BIRC6: variants seen among roughly 807,000 people sequenced by gnomAD.
The protein encoded by BIRC6 is dual E2 ubiquitin-conjugating enzyme/E3 ubiquitin-protein ligase BIRC6.
In BIRC6, 98 loss-of-function variants were observed where a neutral mutation model predicts 503.3. The observed-to-expected ratio is 0.19, with a 90% CI of 0.17 to 0.23. The LOEUF is 0.23. Among genes scored for constraint, BIRC6 ranks in the 10% least tolerant of loss-of-function variants. The probability of loss-of-function intolerance (pLI) is 1.00; values close to 1 mark genes in which losing one functional copy is unlikely to be tolerated. For missense variants in BIRC6, 5,360 were observed against 5,806.0 expected (o/e 0.92, Z 2.50); for synonymous variants, 2,240 against 2,078.7 (o/e 1.08, Z -2.11).
At chr2:32,508,303 T>TTTG (rs1261646792) in intron 51 of BIRC6, 44 bp downstream of exon 51, 1 of 1,274,468 alleles carries the variant, frequency 7.8e-7, no homozygotes, top group Non-Finnish European at 1.0e-6. Flanking sequence ...TTTTTTTTTT[T>TTTG]GGCATGGTTG....
chr2:32,386,243 A>T (rs2038439726), intron 3 of BIRC6, among the ~76,000 whole-genome samples: 1 of 152,160 alleles, frequency 6.6e-6, no homozygotes, highest in Non-Finnish European at 1.5e-5. Flanking sequence ...AAAATATTGG[A>T]TAGAACTGTA....
chr2:32,427,098 T>C (rs1196915847), intron 10 of BIRC6, among the ~76,000 whole-genome samples: 1 of 152,088 alleles, frequency 6.6e-6, no homozygotes, highest in Non-Finnish European at 1.5e-5. Context: ...GTGTTATTTC[T>C]TTGTGTTTAT....
At chr2:32,479,180 A>G (rs2050102592) in intron 36 of BIRC6, among the ~76,000 whole-genome samples, 1 of 152,168 alleles carries the variant, frequency 6.6e-6, no homozygotes, top group Non-Finnish European at 1.5e-5. Context: ...TAATCTTTGT[A>G]TAAGGTTGTT....
At chr2:32,501,677 A>G in intron 46 of BIRC6, 36 bp from the exon 47 acceptor site, 2 of 1,569,952 alleles carry the variant, frequency 1.3e-6, no homozygotes, top group South Asian at 1.2e-5. Flanking sequence ...GGCTGGATAT[A>G]TATACTTTTA....
At chr2:32,490,295 C>G in intron 43 of BIRC6, 144 bp downstream of exon 43, 1 of 669,120 alleles carries the variant, frequency 1.5e-6, no homozygotes, top group South Asian at 2.1e-5. Context: ...CGCCTGTAAA[C>G]CCAGCACTTT....
rs140351459 is a variant in BIRC6, at chr2:32,431,534, A to G, written c.3248+444A>G. Among the ~76,000 whole-genome samples the G allele has an allele frequency of 5.1e-4, 78 of 152,220 alleles. No homozygotes were observed. The East Asian group carries it at 0.011, about 21-fold the overall frequency. On this transcript the variant is annotated intron_variant, in intron 12 of 73. Coordinates refer to ENST00000421745, the MANE Select transcript of BIRC6 (RefSeq NM_016252.4). ...AACTGTCTAAAAGATATACAGTAAT[A>G]TACTTAGGAATTCTGTGTTGTCTCT...
chr2:32,549,513 G>C (rs2058294575), intron 65 of BIRC6, 32 bp downstream of exon 65: 1 of 1,335,058 alleles, frequency 7.5e-7, no homozygotes, highest in Non-Finnish European at 9.8e-7. Context: ...GTCTGTGGAT[G>C]AATAATTTTG....
chr2:32,525,433 A>G lies in BIRC6; in HGVS notation c.11756-31A>G, dbSNP rs748824713. 1.1e-5 allele frequency: 17 copies of G among 1,612,004 alleles called. 1 individual carries two copies. In the South Asian group the frequency reaches 1.2e-4, roughly 11 times the overall value. On this transcript the variant is annotated intron_variant, in intron 58 of 73. Transcript: ENST00000421745. Reference sequence around the variant, plus strand: ...TTTCCTTCATATTAGTGTGTTGACTATGTAGAATCTTACTGATCCTTTTCT... The same window carrying G: ...TTTCCTTCATATTAGTGTGTTGACTGTGTAGAATCTTACTGATCCTTTTCT...
At position 32,534,696 on chromosome 2, in the gene BIRC6, A is replaced by T. The variant is rs566625054; in HGVS notation, c.12291+3145A>T. 6.4e-4 allele frequency among the ~76,000 whole-genome samples: 85 copies of T among 132,688 alleles called. 1 individual carries two copies. The highest frequency in any genetic ancestry group is 2.3e-3 in the African/African-American group (79 of 33,860). 87.0% of individuals were successfully genotyped at this position (132,688 alleles called of 152,430 possible). On this transcript the variant is annotated intron_variant, in intron 61 of 73. Transcript: ENST00000421745. The stretch of plus-strand genomic sequence containing the variant: ...CAGTTAACCAAGATCGCACCACTGC[A>T]CTCCAGCCTGGGTGACAGAGCAAGA...
In BIRC6 at chr2:32,415,383, C is replaced by G. The variant is rs149851750; in HGVS notation, c.2092C>G (p.Leu698Val). The change falls in exon 10 of 74, where the codon CTT becomes GTT. Residue 698 changes from leucine (L) to valine (V), a missense_variant. Leu to Val is a conservative substitution (Grantham distance 32, BLOSUM62 1). This residue lies in a region of BIRC6 where 700 missense variants were observed against 739.3 expected (regional missense o/e 0.95). Coordinates refer to ENST00000421745, the MANE Select transcript of BIRC6 (RefSeq NM_016252.4). ...GCAATTTGCAGATGCAGCAGCCAAC[C>G]TTACCTCTCCGGATTCTGAGAAGTG... is the stretch of plus-strand genomic sequence containing the variant. ...IQQFADAAANLTSPDSEKWNS... is the reference protein window; with the variant it reads ...IQQFADAAANVTSPDSEKWNS... 2 of 1,613,932 alleles carry G rather than the reference C, an allele frequency of 1.2e-6. No individual in the cohort carries two copies. Among genetic ancestry groups the G allele is most frequent in the Non-Finnish European group, 1.7e-6 (2 of 1,179,908 alleles).
chr2:32,406,958 G>C (rs1202605129), intron 9 of BIRC6, among the ~76,000 whole-genome samples: 3 of 152,110 alleles, frequency 2.0e-5, no homozygotes, highest in South Asian at 4.1e-4. Context: ...AGTAAATGCT[G>C]CCTTACTAGC....
At chr2:32,394,381 T>C (rs2039606129) in intron 5 of BIRC6, among the ~76,000 whole-genome samples, 1 of 152,144 alleles carries the variant, frequency 6.6e-6, no homozygotes, top group Non-Finnish European at 1.5e-5. Flanking sequence ...TATATACATA[T>C]ATATATAAAT....
chr2:32,509,314 G>A (rs1451513926), intron 51 of BIRC6, among the ~76,000 whole-genome samples: 1 of 152,082 alleles, frequency 6.6e-6, no homozygotes, highest in Admixed American at 6.5e-5. Context: ...GAGTGCAGTG[G>A]TGCAGTCTAG....
intron 61 of BIRC6, among the ~76,000 whole-genome samples, chr2:32,537,982 CAAAA>C (rs1007395887): frequency 6.7e-6 from 1 of 149,132 alleles, no homozygotes; most frequent in South Asian, 2.1e-4. Flanking sequence ...AAAAAGCAAA[CAAAA>C]AAAACAATTA....
intron 43 of BIRC6, 124 bp downstream of exon 43, chr2:32,490,275 T>C: frequency 1.2e-6 from 1 of 833,222 alleles, no homozygotes; most frequent in Non-Finnish European, 1.9e-6. Flanking sequence ...TGGCCAGATG[T>C]GGTGGCTCAC....
At chr2:32,369,618 G>T (rs2035484043) in intron 1 of BIRC6, among the ~76,000 whole-genome samples, 1 of 151,580 alleles carries the variant, frequency 6.6e-6, no homozygotes, top group African/African-American at 2.4e-5. Context: ...GGTAGAGACA[G>T]GGTTTCACCT....
chr2:32,579,129 A>ATT (rs2060495312), intron 66 of BIRC6, among the ~76,000 whole-genome samples: 1 of 149,870 alleles, frequency 6.7e-6, no homozygotes, highest in Admixed American at 6.7e-5. Context: ...CTAGGTAGTG[A>ATT]TTGTGGTTGC....
intron 37 of BIRC6, among the ~76,000 whole-genome samples, chr2:32,480,999 A>G (rs950293716): frequency 4.6e-5 from 7 of 152,102 alleles, no homozygotes; most frequent in Non-Finnish European, 5.9e-5. Context: ...ACTGGGTAAC[A>G]TTACCTGTAA....
intron 70 of BIRC6, among the ~76,000 whole-genome samples, chr2:32,601,382 G>C (rs1173520047): frequency 2.6e-5 from 4 of 152,158 alleles, no homozygotes; most frequent in Non-Finnish European, 4.4e-5. Context: ...GGGAGTTTTA[G>C]ACCAGCCTGA....
Sources: gnomAD v4.1 joint callset for allele counts (sites outside exome capture counted in the v4.1 genomes callset) on GRCh38, gnomAD v4.1.1 for gene constraint, gnomAD v4.1.1 regional missense constraint, MANE v1.5 for transcripts, NCBI Gene and HGNC (gene_info 2026-07-23, HGNC 2026-07-21) for gene names.